Variants in MTR observed in about 807,000 individuals in gnomAD.
The protein encoded by MTR is 5-methyltetrahydrofolate-homocysteine methyltransferase.
Under a neutral mutation model 154.8 loss-of-function variants are expected in MTR, and 84 were observed. That is an observed-to-expected ratio of 0.54 (90% CI 0.45 to 0.65). The LOEUF is 0.65. MTR is among the 30% of genes least tolerant of loss of function. The pLI is 0.00. For missense variants in MTR, 1,275 were observed against 1,570.2 expected (o/e 0.81, Z 3.18); for synonymous variants, 554 against 553.9 (o/e 1.00, Z 0.00).
At chr1:236,861,337 T>C in intron 20 of MTR, 60 bp downstream of exon 20, 1 of 1,610,414 alleles carries the variant, frequency 6.2e-7, no homozygotes, top group Non-Finnish European at 8.5e-7. Context: ...ATTTAATAAA[T>C]GGCGATTTGG....
At chr1:236,814,226 T>C (rs979082814) in intron 6 of MTR, among the ~76,000 whole-genome samples, 10 of 152,326 alleles carry the variant, frequency 6.6e-5, no homozygotes, top group Admixed American at 1.3e-4. Flanking sequence ...TAGAAATTGT[T>C]TTGTGAATCT....
intron 22 of MTR, among the ~76,000 whole-genome samples, chr1:236,864,204 G>A (rs1046977429): frequency 3.3e-5 from 5 of 152,184 alleles, no homozygotes; most frequent in African/African-American, 1.2e-4. Context: ...AAGCCTGATG[G>A]AAATAATGCT....
At position 236,826,847 on chromosome 1, in the gene MTR, T is replaced by A; in HGVS notation, c.946T>A (p.Leu316Met). The stretch of plus-strand genomic sequence containing the variant: ...AATGCAGGATTTTGCTATGGATGGC[T>A]TGGTCAATATAGTTGGAGGATGCTG... Reference protein sequence around the residue: ...KHLKDFAMDGLVNIVGGCCGS... With the variant: ...KHLKDFAMDGMVNIVGGCCGS... Residue 316 changes from leucine (L) to methionine (M), a missense_variant, in exon 11 of 33, where the codon TTG becomes ATG. Transcript: ENST00000366577. The A allele has an allele frequency of 2.5e-6, 4 of 1,614,156 alleles. No homozygotes were observed. Among genetic ancestry groups the A allele is most frequent in the Non-Finnish European group, 3.4e-6 (4 of 1,179,992 alleles).
intron 29 of MTR, among the ~76,000 whole-genome samples, chr1:236,893,118 A>G (rs940069221): frequency 7.9e-5 from 12 of 152,092 alleles, no homozygotes; most frequent in African/African-American, 2.9e-4. Context: ...GGGCTCTGTG[A>G]TCTCTCTCTC....
Position 236,835,706 on chromosome 1 carries a change from T to C in MTR, c.1329+19T>C, listed in dbSNP as rs1351108487. 6.2e-7 allele frequency: 1 copy of C among 1,613,492 alleles called. No individual in the cohort carries two copies. The highest frequency in any genetic ancestry group is 1.3e-5 in the African/African-American group (1 of 74,820). ...CGCAAAGGTTATACAAAGTTTATGT[T>C]TATCAGGGGGATTTACTTGTCTCAC... On this transcript the variant is annotated intron_variant, in intron 14 of 32. Coordinates refer to ENST00000366577, the MANE Select transcript of MTR (RefSeq NM_000254.3).
chr1:236,903,291 T>C lies in MTR; in HGVS notation c.*5647T>C, dbSNP rs1572362907. 6 of 152,340 alleles carry C rather than the reference T, an allele frequency of 3.9e-5. 1 individual carries two copies. The South Asian group carries it at 1.2e-3, about 32-fold the overall frequency. The allele number at this position is 152,340 out of a possible 1,614,324, so 9.4% of individuals were successfully genotyped here. Reference sequence around the variant, plus strand: ...TTTTACAAGTGTATGTTATTGTACTTTTAAAAAGATTAGCTTGGCAACAAG... The same window carrying C: ...TTTTACAAGTGTATGTTATTGTACTCTTAAAAAGATTAGCTTGGCAACAAG... On this transcript the variant is annotated 3_prime_UTR_variant, in exon 33 of 33. Coordinates refer to ENST00000366577, the MANE Select transcript of MTR (RefSeq NM_000254.3).
chr1:236,880,501 C>T (rs1665670234), intron 24 of MTR, among the ~76,000 whole-genome samples: 1 of 152,156 alleles, frequency 6.6e-6, no homozygotes, highest in African/African-American at 2.4e-5. Flanking sequence ...CGGGCTCAGT[C>T]CCTTGTTAAC....
chr1:236,839,605 A>C (rs1452845416), intron 15 of MTR, among the ~76,000 whole-genome samples: 1 of 152,208 alleles, frequency 6.6e-6, no homozygotes, highest in Non-Finnish European at 1.5e-5. Context: ...TCTGTGATAC[A>C]CTGATTATTG....
chr1:236,795,537 G>C lies in MTR; in HGVS notation c.-167G>C. 6.5e-7 allele frequency: 1 copy of C among 1,532,612 alleles called. No homozygotes were observed. The highest frequency in any genetic ancestry group is 1.2e-5 in the South Asian group (1 of 84,180). 94.9% of individuals were successfully genotyped at this position (1,532,612 alleles called of 1,614,324 possible). ...AGGCCCTAGGGCGCTGCGGGCTTTC[G>C]GGGTCCGCAGTCCCCCCGCGACGCG... On this transcript the variant is annotated 5_prime_UTR_variant, in exon 1 of 33. Transcript: ENST00000366577.
At position 236,902,494 on chromosome 1, in the gene MTR, G is replaced by C. The variant is rs1666960308; in HGVS notation, c.*4850G>C. ...CTAAAATAGTGCTTGCTTTATGATA[G>C]GTGCTCAGTAAAGGTTGTCTTGAAT... On this transcript the variant is annotated 3_prime_UTR_variant, in exon 33 of 33. Coordinates refer to ENST00000366577, the MANE Select transcript of MTR (RefSeq NM_000254.3). The C allele has an allele frequency of 6.6e-6, 1 of 152,202 alleles. No individual in the cohort carries two copies. The allele number at this position is 152,202 out of a possible 1,614,324, so 9.4% of individuals were successfully genotyped here.
intron 18 of MTR, among the ~76,000 whole-genome samples, chr1:236,857,770 G>A (rs1664288263): frequency 6.6e-6 from 1 of 152,184 alleles, no homozygotes. Context: ...GGGAAGTGCA[G>A]GACGCTAGGA....
Position 236,808,702 on chromosome 1 carries a change from A to G in MTR, c.340-2A>G. The G allele has an allele frequency of 6.2e-7, 1 of 1,614,160 alleles. No individual in the cohort carries two copies. Among genetic ancestry groups the G allele is most frequent in the African/African-American group, 1.3e-5 (1 of 75,054 alleles). ...AGCTAACGTTTGTGGTTGATACGTT[A>G]GGCCTACCGGATGAACATGTGCTCT... is the stretch of plus-strand genomic sequence containing the variant. On this transcript the variant is annotated splice_acceptor_variant, in intron 3 of 32. Transcript: ENST00000366577. LOFTEE classifies it high-confidence loss of function.
At chr1:236,888,828 T>C (rs1666161014) in intron 27 of MTR, among the ~76,000 whole-genome samples, 1 of 152,224 alleles carries the variant, frequency 6.6e-6, no homozygotes, top group South Asian at 2.1e-4. Flanking sequence ...TCTGGACATG[T>C]TCTTCATGTT....
intron 15 of MTR, among the ~76,000 whole-genome samples, chr1:236,849,384 A>G (rs1663768522): frequency 6.6e-6 from 1 of 152,208 alleles, no homozygotes; most frequent in Non-Finnish European, 1.5e-5. Flanking sequence ...AATTTCTGGA[A>G]AGAAATACTC....
In MTR at chr1:236,850,465, G is replaced by T; in HGVS notation, c.1637G>T (p.Gly546Val). 1.2e-6 allele frequency: 2 copies of T among 1,613,680 alleles called. No homozygotes were observed. The highest frequency in any genetic ancestry group is 1.7e-6 in the Non-Finnish European group (2 of 1,179,866). The change falls in exon 16 of 33, where the codon GGA (glycine) becomes GTA (valine). Residue 546 changes from glycine (G) to valine (V), a missense_variant. Transcript: ENST00000366577. ...CCTAATATCCTAACCATTGGGACTG[G>T]AATGGAGGAACACAACTTGTATGCC... ...FDPNILTIGT[G>V]MEEHNLYAIN...
chr1:236,835,318 A>G (rs1355470176), intron 13 of MTR, among the ~76,000 whole-genome samples: 2 of 152,068 alleles, frequency 1.3e-5, no homozygotes, highest in African/African-American at 4.8e-5. Flanking sequence ...TTATGGTAGG[A>G]AAACAGCTTT....
At chr1:236,885,579 C>T (rs188754134) in intron 26 of MTR, among the ~76,000 whole-genome samples, 4 of 152,306 alleles carry the variant, frequency 2.6e-5, no homozygotes, top group African/African-American at 9.6e-5. Context: ...CCCCATTCTT[C>T]AGGAGCTAAT....
chr1:236,830,356 G>C (rs909974599), intron 12 of MTR, among the ~76,000 whole-genome samples: 2 of 152,082 alleles, frequency 1.3e-5, no homozygotes, highest in Non-Finnish European at 2.9e-5. Flanking sequence ...CAAGCACTAA[G>C]AGTGGAAAAC....
intron 20 of MTR, among the ~76,000 whole-genome samples, chr1:236,861,562 CA>C (rs1293075752): frequency 6.6e-6 from 1 of 152,112 alleles, no homozygotes; most frequent in Non-Finnish European, 1.5e-5. Context: ...CTCTCCCCTC[CA>C]AAAGTAAAGT....
Sources: allele counts gnomAD v4.1 joint callset (sites outside exome capture counted in the v4.1 genomes callset), GRCh38; gene constraint gnomAD v4.1.1; transcripts MANE v1.5; gene names NCBI Gene and HGNC (gene_info 2026-07-23, HGNC 2026-07-21).